Variants in CIT observed in about 807,000 individuals in gnomAD.
CIT encodes citron Rho-interacting kinase.
A neutral mutation model predicts 272.7 loss-of-function variants in CIT; 79 were observed. The ratio of observed to expected loss-of-function variants is 0.29; its 90% CI spans 0.24 to 0.35. CIT has a LOEUF of 0.35. Ranked by LOEUF, CIT falls within the 10% of genes least tolerant of loss-of-function variation. The pLI, the probability that CIT is intolerant of heterozygous loss-of-function variation, is 1.00. For synonymous variants in CIT, 948 were observed against 995.6 expected, an observed-to-expected ratio of 0.95 and a Z score of 0.90; for missense variants, 1,909 against 2,618.3, an observed-to-expected ratio of 0.73 and a Z score of 5.91.
At chr12:119,714,969 C>T (rs1208149235) in intron 32 of CIT, among the ~76,000 whole-genome samples, 1 of 152,232 alleles carries the variant, frequency 6.6e-6, no homozygotes, top group Non-Finnish European at 1.5e-5. Flanking sequence ...TGTGTCCCCA[C>T]CCAAATCTCA....
intron 32 of CIT, among the ~76,000 whole-genome samples, chr12:119,715,837 G>A (rs569363674): frequency 5.9e-5 from 9 of 152,252 alleles, no homozygotes; most frequent in Non-Finnish European, 8.8e-5. Context: ...CAGGCTTTAA[G>A]AACATGTTAC....
At chr12:119,716,304 G>T (rs1231948421) in intron 32 of CIT, among the ~76,000 whole-genome samples, 1 of 142,084 alleles carries the variant, frequency 7.0e-6, no homozygotes, top group Non-Finnish European at 1.5e-5. Context: ...CTTGAGCCTG[G>T]GAGGCAGAGG....
At chr12:119,799,301 G>A (rs1965990899) in intron 10 of CIT, among the ~76,000 whole-genome samples, 2 of 152,158 alleles carry the variant, frequency 1.3e-5, no homozygotes, top group Admixed American at 1.3e-4. Flanking sequence ...CATGTGCCAG[G>A]TACTAGACCA....
chr12:119,775,487 C>G (rs1378959556), intron 16 of CIT, among the ~76,000 whole-genome samples: 3 of 152,154 alleles, frequency 2.0e-5, no homozygotes, highest in African/African-American at 7.2e-5. Flanking sequence ...AATGAGGTGC[C>G]AGGCCCCCTG....
At chr12:119,790,145 C>G (rs1489623130) in intron 10 of CIT, among the ~76,000 whole-genome samples, 1 of 152,102 alleles carries the variant, frequency 6.6e-6, no homozygotes, top group Non-Finnish European at 1.5e-5. Context: ...CGATCAAAGA[C>G]TGGCCTCAGA....
intron 44 of CIT, among the ~76,000 whole-genome samples, chr12:119,699,348 A>G (rs1176527132): frequency 6.6e-6 from 1 of 151,190 alleles, no homozygotes; most frequent in Non-Finnish European, 1.5e-5. Flanking sequence ...TTAATACTCT[A>G]TCTCTGCATG....
chr12:119,799,191 C>A (rs1593791439), intron 10 of CIT, among the ~76,000 whole-genome samples: 1 of 152,102 alleles, frequency 6.6e-6, no homozygotes, highest in East Asian at 1.9e-4. Context: ...TGAGTCCTTT[C>A]CATATTCTCT....
chr12:119,828,478 G>C, intron 7 of CIT, among the ~76,000 whole-genome samples: 1 of 151,986 alleles, frequency 6.6e-6, no homozygotes, highest in East Asian at 1.9e-4. Context: ...AGCTAATCTC[G>C]GTGAGATATT....
At chr12:119,777,443 A>T (rs1963871843) in intron 13 of CIT, among the ~76,000 whole-genome samples, 1 of 152,072 alleles carries the variant, frequency 6.6e-6, no homozygotes, top group Non-Finnish European at 1.5e-5. Context: ...AGGCTGAGGC[A>T]GGCGGATCAC....
chr12:119,766,401 TCTCAC>T (rs1962458949), intron 19 of CIT, among the ~76,000 whole-genome samples: 1 of 152,178 alleles, frequency 6.6e-6, no homozygotes, highest in Non-Finnish European at 1.5e-5. Context: ...CATCACATAT[TCTCAC>T]TTATTTGTGG....
At position 119,728,489 on chromosome 12, in the gene CIT, A is replaced by G. The variant is rs773687063; in HGVS notation, c.3591+13T>C. ...AATCCACTTGGCCCTTCTCCCAGGT[A>G]TTTCACACTCACCTCTTCCAGAAGC... On this transcript the variant is annotated intron_variant, in intron 28 of 47. Transcript: ENST00000392521. The surrounding 1 kb of genome is among the most constrained non-coding windows in gnomAD (Gnocchi z 4.3). The G allele has an allele frequency of 6.4e-7, 1 of 1,566,478 alleles. No individual in the cohort carries two copies. Among genetic ancestry groups the G allele is most frequent in the Non-Finnish European group, 8.7e-7 (1 of 1,149,560 alleles).
intron 5 of CIT, among the ~76,000 whole-genome samples, chr12:119,848,971 C>G (rs1006956017): frequency 2.0e-4 from 31 of 152,142 alleles, no homozygotes; most frequent in African/African-American, 7.5e-4. Flanking sequence ...GTTCATGCCA[C>G]TGAACTCCAG....
intron 3 of CIT, among the ~76,000 whole-genome samples, chr12:119,865,022 C>T (rs1022522607): frequency 5.9e-5 from 9 of 152,106 alleles, no homozygotes; most frequent in African/African-American, 1.2e-4. Flanking sequence ...CCCTTCTCCA[C>T]GTAGAAAAAC....
At chr12:119,737,306 CAAAAAAAAAAAAAAAAAAAAAA>C (rs145489542) in intron 24 of CIT, among the ~76,000 whole-genome samples, 107 of 24,178 alleles carry the variant, frequency 4.4e-3, no homozygotes, top group Middle Eastern at 0.029. Flanking sequence ...GATTCCATCT[CAAAAAAAAAAAAAAAAAAAAAA>C]AAAAAAAAAA....
chr12:119,834,389 G>A (rs1282223536), intron 5 of CIT, among the ~76,000 whole-genome samples, 161 bp from the exon 6 acceptor site: 1 of 152,190 alleles, frequency 6.6e-6, no homozygotes, highest in Non-Finnish European at 1.5e-5. Flanking sequence ...TGAAGTCCCT[G>A]CCCTAAGGAA....
chr12:119,709,733 C>T (rs1467868400), intron 39 of CIT, among the ~76,000 whole-genome samples: 1 of 149,680 alleles, frequency 6.7e-6, no homozygotes, highest in Non-Finnish European at 1.5e-5. Context: ...TGGCGTCATA[C>T]CTGCAACTAA....
intron 13 of CIT, among the ~76,000 whole-genome samples, chr12:119,778,987 G>A (rs1225137373): frequency 3.3e-5 from 5 of 152,134 alleles, no homozygotes; most frequent in South Asian, 2.1e-4. Context: ...TTGGGAGCCC[G>A]AGGTGGCGGA....
At chr12:119,859,588 G>A (rs888102359) in intron 3 of CIT, among the ~76,000 whole-genome samples, 2 of 152,050 alleles carry the variant, frequency 1.3e-5, no homozygotes, top group South Asian at 2.1e-4. Context: ...AGGGCGAGGC[G>A]GGTGGATCAC....
At chr12:119,797,074 T>C (rs865792605) in intron 10 of CIT, among the ~76,000 whole-genome samples, 3 of 152,098 alleles carry the variant, frequency 2.0e-5, no homozygotes, top group African/African-American at 7.2e-5. Flanking sequence ...CAAAAAGAAC[T>C]AGGAGAAATT....
Sources: allele counts gnomAD v4.1 joint callset (sites outside exome capture counted in the v4.1 genomes callset), GRCh38; gene constraint gnomAD v4.1.1; non-coding constraint Gnocchi (gnomAD v3.1); transcripts MANE v1.5; gene names NCBI Gene and HGNC (gene_info 2026-07-23, HGNC 2026-07-21).